Variants in KPNA4 observed in about 807,000 individuals in gnomAD.
KPNA4 encodes importin subunit alpha-3.
Under a neutral mutation model 71.3 loss-of-function variants are expected in KPNA4, and 13 were observed. That is an observed-to-expected ratio of 0.18 (90% CI 0.12 to 0.29). The LOEUF is 0.29. Ranked by LOEUF, KPNA4 falls within the 10% of genes least tolerant of loss-of-function variation. The probability of loss-of-function intolerance (pLI) is 1.00; values close to 1 mark genes in which losing one functional copy is unlikely to be tolerated. For synonymous variants in KPNA4, 189 were observed against 195.2 expected (o/e 0.97, Z 0.26); for missense variants, 334 against 603.2 (o/e 0.55, Z 4.67).
At chr3:160,516,377 T>G (rs1440728640) in intron 11 of KPNA4, among the ~76,000 whole-genome samples, 1 of 151,410 alleles carries the variant, frequency 6.6e-6, no homozygotes, top group Non-Finnish European at 1.5e-5. Context: ...TTCCAGCTCT[T>G]ACAGAGCTTA....
chr3:160,555,857 G>GT (rs1392332501), intron 1 of KPNA4, among the ~76,000 whole-genome samples: 3 of 152,094 alleles, frequency 2.0e-5, no homozygotes, highest in African/African-American at 7.2e-5. Flanking sequence ...TTGAGAAGGA[G>GT]TTTTGCTTTT....
chr3:160,536,918 C>A, intron 1 of KPNA4, 78 bp from the exon 2 acceptor site: 2 of 751,970 alleles, frequency 2.7e-6, no homozygotes, highest in Non-Finnish European at 4.6e-6. Flanking sequence ...ATTAACATTT[C>A]AATATACACC....
chr3:160,510,220 A>C (rs1402919550), intron 13 of KPNA4, among the ~76,000 whole-genome samples: 2 of 152,218 alleles, frequency 1.3e-5, no homozygotes, highest in African/African-American at 2.4e-5. Context: ...ATTCTTTTAC[A>C]CACAAAGCTT....
At position 160,509,875 on chromosome 3, in the gene KPNA4, TA is replaced by T; in HGVS notation, c.1138-5del. The T allele has an allele frequency of 1.2e-6, 2 of 1,607,536 alleles. No individual in the cohort carries two copies. Among genetic ancestry groups the T allele is most frequent in the South Asian group, 1.1e-5 (1 of 90,744 alleles). On this transcript the variant is annotated splice_region_variant and splice_polypyrimidine_tract_variant and intron_variant, in intron 13 of 16. Coordinates refer to ENST00000334256, the MANE Select transcript of KPNA4 (RefSeq NM_002268.5). ...CTTTTTGAGTGCCAAAATCCCCCTG[TA>T]AAAAGGCAAAACAAAGGCTATAAAA...
In KPNA4 at chr3:160,529,896, G is replaced by A. The variant is rs192327922; in HGVS notation, c.469+959C>T. ...TGTAATCCCAGCACTTTGGGAGGCC[G>A]AGGCAGGCGGATCATGAGGTCAGGA... On this transcript the variant is annotated intron_variant, in intron 7 of 16. Transcript: ENST00000334256. Among the ~76,000 whole-genome samples the A allele has an allele frequency of 3.0e-3, 458 of 151,560 alleles. 2 individuals carry two copies. The highest frequency in any genetic ancestry group is 8.7e-3 in the Admixed American group (132 of 15,198).
chr3:160,534,824 T>C (rs980538007), intron 5 of KPNA4, among the ~76,000 whole-genome samples: 3 of 151,478 alleles, frequency 2.0e-5, no homozygotes, highest in Admixed American at 2.0e-4. Context: ...GAGATGGAGT[T>C]ATGATTCTCC....
Position 160,565,390 on chromosome 3 carries a change from C to G in KPNA4, c.-108G>C. On this transcript the variant is annotated 5_prime_UTR_variant, in exon 1 of 17. Transcript: ENST00000334256. ...CGGGCCGCCGCCTGAGCTGCTGTGC[C>G]CGCCGCGCCGCCGCTTCCTTCCTCC... 1.2e-6 allele frequency: 1 copy of G among 826,802 alleles called. No individual in the cohort carries two copies. Among genetic ancestry groups the G allele is most frequent in the Non-Finnish European group, 1.9e-6 (1 of 519,990 alleles). 51.2% of individuals were successfully genotyped at this position (826,802 alleles called of 1,614,324 possible). A position where few individuals can be genotyped will look rare whatever the true frequency, so the allele number is the denominator to read the frequency against.
At chr3:160,503,149 A>T (rs1052629088) in intron 16 of KPNA4, among the ~76,000 whole-genome samples, 4 of 151,990 alleles carry the variant, frequency 2.6e-5, no homozygotes, top group African/African-American at 9.7e-5. Context: ...CACAAAACAA[A>T]AAAACCCCGG....
In KPNA4 at chr3:160,514,061, A is replaced by C; in HGVS notation, c.1137+16T>G. On this transcript the variant is annotated intron_variant, in intron 13 of 16. Coordinates refer to ENST00000334256, the MANE Select transcript of KPNA4 (RefSeq NM_002268.5). ...CTTACATCAGATAAATGATACATAT[A>C]ACATGATTTTCTTACCTTATCCAAA... 7.0e-7 allele frequency: 1 copy of C among 1,428,060 alleles called. No homozygotes were observed. Among genetic ancestry groups the C allele is most frequent in the Non-Finnish European group, 9.5e-7 (1 of 1,047,566 alleles). The allele number at this position is 1,428,060 out of a possible 1,614,324, so 88.5% of individuals were successfully genotyped here.
intron 11 of KPNA4, among the ~76,000 whole-genome samples, chr3:160,517,623 G>GTA (rs1248126845): frequency 6.6e-6 from 1 of 152,066 alleles, no homozygotes; most frequent in Non-Finnish European, 1.5e-5. Flanking sequence ...CTCACCAAAA[G>GTA]TATGTTATCG....
At chr3:160,522,154 A>G (rs754628344) in intron 10 of KPNA4, among the ~76,000 whole-genome samples, 5 of 152,212 alleles carry the variant, frequency 3.3e-5, no homozygotes, top group Non-Finnish European at 7.3e-5. Flanking sequence ...ATCTTAGTTC[A>G]CTAAGATACA....
intron 1 of KPNA4, among the ~76,000 whole-genome samples, chr3:160,543,634 A>AT (rs1480228121): frequency 6.6e-6 from 1 of 151,886 alleles, no homozygotes; most frequent in Non-Finnish European, 1.5e-5. Context: ...TACCCAGCCA[A>AT]TTTTTTCAAC....
At chr3:160,555,427 C>T (rs1055829421) in intron 1 of KPNA4, among the ~76,000 whole-genome samples, 1 of 152,122 alleles carries the variant, frequency 6.6e-6, no homozygotes, top group Non-Finnish European at 1.5e-5. Context: ...TGTTCCAAGA[C>T]CCCCAGTAGA....
At chr3:160,544,049 G>A (rs991130093) in intron 1 of KPNA4, among the ~76,000 whole-genome samples, 8 of 152,004 alleles carry the variant, frequency 5.3e-5, no homozygotes, top group African/African-American at 1.9e-4. Flanking sequence ...GTAGAAACGG[G>A]GTTTTATCAC....
At chr3:160,551,629 C>A (rs1403211733) in intron 1 of KPNA4, among the ~76,000 whole-genome samples, 1 of 147,314 alleles carries the variant, frequency 6.8e-6, no homozygotes, top group Non-Finnish European at 1.5e-5. Flanking sequence ...GAGTTATCAA[C>A]TAAAAAGGTA....
chr3:160,549,347 AAATC>A (rs1383010635), intron 1 of KPNA4, among the ~76,000 whole-genome samples: 1 of 152,210 alleles, frequency 6.6e-6, no homozygotes, highest in Non-Finnish European at 1.5e-5. Flanking sequence ...CTTATCCAAG[AAATC>A]AGTGCCAAGA....
chr3:160,511,443 G>C (rs1357922567), intron 13 of KPNA4, among the ~76,000 whole-genome samples: 1 of 151,942 alleles, frequency 6.6e-6, no homozygotes, highest in African/African-American at 2.4e-5. Flanking sequence ...AAACACTGGA[G>C]ACATCTCAAA....
rs370907955 is a variant in KPNA4, at chr3:160,530,945, A to C, written c.384-5T>G. The C allele has an allele frequency of 6.4e-7, 1 of 1,554,842 alleles. No homozygotes were observed. Among genetic ancestry groups the C allele is most frequent in the South Asian group, 1.2e-5 (1 of 83,750 alleles). On this transcript the variant is annotated splice_region_variant and splice_polypyrimidine_tract_variant and intron_variant, in intron 6 of 16. Transcript: ENST00000334256. ...GCTTCAAACTGTAAAGAAGGACTAC[A>C]AAAAAAAACAAGTATTTTTAAACAG...
intron 1 of KPNA4, among the ~76,000 whole-genome samples, chr3:160,558,556 A>C (rs1341734082): frequency 6.6e-6 from 1 of 152,202 alleles, no homozygotes; most frequent in Non-Finnish European, 1.5e-5. Flanking sequence ...TCTACAGTCC[A>C]TGTCTTTTAA....
Sources: allele counts gnomAD v4.1 joint callset (sites outside exome capture counted in the v4.1 genomes callset), GRCh38; gene constraint gnomAD v4.1.1; transcripts MANE v1.5; gene names NCBI Gene and HGNC (gene_info 2026-07-23, HGNC 2026-07-21).